The following SLC14A2 variants were observed in gnomAD, a reference collection of about 807,000 sequenced individuals.
SLC14A2 encodes the protein urea transporter 2.
In SLC14A2, 91 loss-of-function variants were observed where a neutral mutation model predicts 104.6. The ratio of observed to expected loss-of-function variants is 0.87; its 90% CI spans 0.73 to 1.04. SLC14A2 has a LOEUF of 1.04. SLC14A2 is among the 50% of genes least tolerant of loss of function. SLC14A2 has a pLI of 0.00. For missense variants in SLC14A2, 1,189 were observed against 1,156.0 expected, an observed-to-expected ratio of 1.03 and a Z score of -0.41; for synonymous variants, 476 against 466.4, an observed-to-expected ratio of 1.02 and a Z score of -0.27.
intron 1 of SLC14A2, among the ~76,000 whole-genome samples, chr18:45,298,594 C>T (rs769097887): frequency 3.3e-5 from 5 of 152,170 alleles, no homozygotes; most frequent in Non-Finnish European, 7.3e-5. Context: ...GATTAGTAAA[C>T]CTGATCAAAG....
intron 1 of SLC14A2, among the ~76,000 whole-genome samples, chr18:45,449,019 A>G (rs1471223319): frequency 6.6e-6 from 1 of 152,218 alleles, no homozygotes; most frequent in African/African-American, 2.4e-5. Flanking sequence ...AAGCAGAGGA[A>G]GGTGCAGCCA....
intron 1 of SLC14A2, among the ~76,000 whole-genome samples, chr18:45,344,653 T>A (rs532275409): frequency 6.6e-6 from 1 of 152,168 alleles, no homozygotes; most frequent in Non-Finnish European, 1.5e-5. Flanking sequence ...TACCTTATGA[T>A]AAATAAATCT....
intron 1 of SLC14A2, among the ~76,000 whole-genome samples, chr18:45,418,701 A>G (rs2086305329): frequency 6.6e-6 from 1 of 152,216 alleles, no homozygotes; most frequent in Non-Finnish European, 1.5e-5. Flanking sequence ...CAAAATATTG[A>G]TGTGATCAAA....
At chr18:45,223,695 C>T (rs1265869267) in intron 1 of SLC14A2, among the ~76,000 whole-genome samples, 1 of 152,142 alleles carries the variant, frequency 6.6e-6, no homozygotes, top group Non-Finnish European at 1.5e-5. Flanking sequence ...GACACAGGTG[C>T]CCTCTCCTAG....
At chr18:45,460,653 G>C (rs2087028425) in intron 1 of SLC14A2, among the ~76,000 whole-genome samples, 1 of 152,136 alleles carries the variant, frequency 6.6e-6, no homozygotes. Context: ...TAGTAATAAT[G>C]GGCCCTAATG....
chr18:45,240,509 C>T (rs1266775238), intron 1 of SLC14A2, among the ~76,000 whole-genome samples: 3 of 151,940 alleles, frequency 2.0e-5, no homozygotes, highest in South Asian at 2.1e-4. Context: ...ACCTCTATAC[C>T]GAAACATCCC....
intron 1 of SLC14A2, among the ~76,000 whole-genome samples, chr18:45,237,771 T>A (rs1568115391): frequency 6.6e-6 from 1 of 152,226 alleles, no homozygotes; most frequent in African/African-American, 2.4e-5. Context: ...AGAGCCTTCC[T>A]GAGAGGCTGA....
chr18:45,575,546 C>A (rs138206979), intron 2 of SLC14A2, among the ~76,000 whole-genome samples: 25 of 152,028 alleles, frequency 1.6e-4, no homozygotes, highest in South Asian at 4.2e-4. Context: ...CTCATCACTT[C>A]CTTTTCAATC....
At chr18:45,383,802 G>A (rs1014371381) in intron 1 of SLC14A2, among the ~76,000 whole-genome samples, 4 of 152,234 alleles carry the variant, frequency 2.6e-5, no homozygotes, top group African/African-American at 9.6e-5. Flanking sequence ...AACCTTGCAT[G>A]GCTGCCCTGG....
chr18:45,573,314 T>C (rs550655394), intron 2 of SLC14A2, among the ~76,000 whole-genome samples: 1 of 152,326 alleles, frequency 6.6e-6, no homozygotes, highest in Non-Finnish European at 1.5e-5. Context: ...AATATAAGCT[T>C]CTTTCTTGAA....
At chr18:45,510,996 G>T (rs1568251377) in intron 2 of SLC14A2, among the ~76,000 whole-genome samples, 1 of 152,198 alleles carries the variant, frequency 6.6e-6, no homozygotes, top group Non-Finnish European at 1.5e-5. Context: ...AGAGTCCTCT[G>T]CAGGGCAGAG....
chr18:45,546,812 G>A (rs967821059), intron 2 of SLC14A2, among the ~76,000 whole-genome samples: 6 of 152,100 alleles, frequency 3.9e-5, no homozygotes, highest in Admixed American at 6.5e-5. Context: ...CACATTGCCA[G>A]GCAAATACTA....
chr18:45,612,399 T>C (rs1257475572), upstream of SLC14A2, among the ~76,000 whole-genome samples: 1 of 152,238 alleles, frequency 6.6e-6, no homozygotes, highest in Non-Finnish European at 1.5e-5. Context: ...CTCTACTGCC[T>C]GAATTCACTT....
chr18:45,250,755 CTTTTTT>C (rs67864793), intron 1 of SLC14A2, among the ~76,000 whole-genome samples: 2 of 93,890 alleles, frequency 2.1e-5, no homozygotes, highest in African/African-American at 8.7e-5. Flanking sequence ...TGGCTTCTTC[CTTTTTT>C]TTTTTTTTTT....
At chr18:45,552,911 G>A (rs1165849081) in intron 2 of SLC14A2, among the ~76,000 whole-genome samples, 1 of 152,208 alleles carries the variant, frequency 6.6e-6, no homozygotes, top group East Asian at 1.9e-4. Flanking sequence ...GGGTGAGATA[G>A]CAGCCATGGG....
At position 45,641,349 on chromosome 18, in the gene SLC14A2, T is replaced by C. The variant is rs759013903; in HGVS notation, c.1126+6T>C. 1.9e-6 allele frequency: 3 copies of C among 1,614,132 alleles called. No individual in the cohort carries two copies. Among genetic ancestry groups the C allele is most frequent in the Non-Finnish European group, 2.5e-6 (3 of 1,180,000 alleles). On this transcript the variant is annotated splice_donor_region_variant and intron_variant, in intron 8 of 19. Transcript: ENST00000255226. ...CCTGCTGGCCCTCATCTGTGGTAGG[T>C]GTTCAGAAAAGCTGACAACCAGGTT...
intron 2 of SLC14A2, among the ~76,000 whole-genome samples, chr18:45,599,349 C>T (rs1032693993): frequency 3.3e-5 from 5 of 152,310 alleles, no homozygotes; most frequent in East Asian, 1.9e-4. Flanking sequence ...TGAATCACAG[C>T]GGATGTGGCC....
chr18:45,578,545 T>C (rs953280725), intron 2 of SLC14A2, among the ~76,000 whole-genome samples: 3 of 152,174 alleles, frequency 2.0e-5, no homozygotes, highest in African/African-American at 7.2e-5. Context: ...GTAAGAAAGG[T>C]ACAGGGTTCT....
chr18:45,436,668 G>A (rs2086601359), intron 1 of SLC14A2: 1 of 152,138 alleles, frequency 6.6e-6, no homozygotes. Flanking sequence ...CCATCACAGT[G>A]ACAGGCGATT....
Sources: allele counts gnomAD v4.1 joint callset (sites outside exome capture counted in the v4.1 genomes callset), GRCh38; gene constraint gnomAD v4.1.1; transcripts MANE v1.5; gene names NCBI Gene and HGNC (gene_info 2026-07-23, HGNC 2026-07-21).